FBLIM1: variants seen among roughly 807,000 people sequenced by gnomAD.
FBLIM1 encodes filamin binding LIM protein 1.
A neutral mutation model predicts 37.4 loss-of-function variants in FBLIM1; 29 were observed. The observed-to-expected ratio is 0.77, with a 90% confidence interval of 0.58 to 1.06. The LOEUF (loss-of-function observed/expected upper bound fraction) is 1.06, where lower values mean the gene tolerates loss of function less well. Ranked by LOEUF, FBLIM1 falls within the 50% of genes least tolerant of loss-of-function variation. FBLIM1 has a pLI of 0.00. For synonymous variants in FBLIM1, 193 were observed against 199.0 expected, an observed-to-expected ratio of 0.97 and a Z score of 0.25; for missense variants, 449 against 505.6, an observed-to-expected ratio of 0.89 and a Z score of 1.07.
intron 1 of FBLIM1, among the ~76,000 whole-genome samples, chr1:15,763,754 C>T (rs933173035): frequency 1.3e-5 from 2 of 151,892 alleles, no homozygotes; most frequent in African/African-American, 4.8e-5. Flanking sequence ...ATTCTCCTGC[C>T]TCACCCTCCC....
At chr1:15,766,119 A>C (rs1486750210) in intron 3 of FBLIM1, among the ~76,000 whole-genome samples, 1 of 151,088 alleles carries the variant, frequency 6.6e-6, no homozygotes, top group East Asian at 1.9e-4. Flanking sequence ...TTTTTTCGAG[A>C]CAGGGTCTTA....
rs1208132778 is a variant in FBLIM1, at chr1:15,768,650, A to G, written c.541+20A>G. 8.8e-6 allele frequency: 14 copies of G among 1,592,084 alleles called. No homozygotes were observed. The highest frequency in any genetic ancestry group is 1.1e-5 in the Non-Finnish European group (13 of 1,169,226). ...CCACAGGTAGGTGCACAGGGCTGAG[A>G]GGATACTGGGGTGATCTCATGGGGC... On this transcript the variant is annotated intron_variant, in intron 5 of 8. Coordinates refer to ENST00000375766, the MANE Select transcript of FBLIM1 (RefSeq NM_017556.4).
chr1:15,781,383 G>A (rs544983443), intron 8 of FBLIM1, among the ~76,000 whole-genome samples: 8 of 151,654 alleles, frequency 5.3e-5, no homozygotes, highest in East Asian at 2.0e-4. Flanking sequence ...GTATGGTGGC[G>A]CACACCTGTA....
chr1:15,773,486 CT>C (rs1215995729), intron 6 of FBLIM1, among the ~76,000 whole-genome samples: 1 of 151,450 alleles, frequency 6.6e-6, no homozygotes, highest in African/African-American at 2.4e-5. Context: ...CGAGACCAGC[CT>C]GACCAACATG....
rs1353973646 is a variant in FBLIM1 at position 15,764,920 on chromosome 1, G to A, written c.-20-44G>A. 7 of 1,540,468 alleles carry A rather than the reference G, an allele frequency of 4.5e-6. No homozygotes were observed. In the Admixed American group the frequency reaches 1.2e-4, roughly 26 times the overall value. On this transcript the variant is annotated intron_variant, in intron 2 of 8. Transcript: ENST00000375766. Reference sequence around the variant, plus strand: ...TCTCCTCTCGGGGGAGGGTGGCTGTGTGTCTGGGTGGCAATCCTGTGCTGT... The same window carrying A: ...TCTCCTCTCGGGGGAGGGTGGCTGTATGTCTGGGTGGCAATCCTGTGCTGT...
chr1:15,776,251 C>T (rs2069483136), intron 7 of FBLIM1, among the ~76,000 whole-genome samples: 1 of 151,842 alleles, frequency 6.6e-6, no homozygotes, highest in Non-Finnish European at 1.5e-5. Flanking sequence ...AGCTAGACTC[C>T]ATCCCAAACA....
upstream of FBLIM1, among the ~76,000 whole-genome samples, chr1:15,756,956 T>C (rs910828325): frequency 2.6e-4 from 39 of 152,296 alleles, 1 homozygote; most frequent in Non-Finnish European, 5.4e-4. Flanking sequence ...TCTGGGTCAC[T>C]AAGCATTTGC....
chr1:15,770,989 G>C (rs2069175511), intron 6 of FBLIM1, among the ~76,000 whole-genome samples: 1 of 151,944 alleles, frequency 6.6e-6, no homozygotes, highest in Admixed American at 6.6e-5. Context: ...GCCCAGGCTG[G>C]AGTGCAGTGG....
intron 1 of FBLIM1, among the ~76,000 whole-genome samples, chr1:15,763,752 G>C (rs1301134553): frequency 6.6e-6 from 1 of 151,760 alleles, no homozygotes; most frequent in African/African-American, 2.4e-5. Flanking sequence ...CGATTCTCCT[G>C]CCTCACCCTC....
chr1:15,785,094 G>T lies in FBLIM1; in HGVS notation c.*433G>T, dbSNP rs1373664376. The T allele has an allele frequency of 6.5e-6, 1 of 153,902 alleles. No homozygotes were observed. Among genetic ancestry groups the T allele is most frequent in the African/African-American group, 2.4e-5 (1 of 41,570 alleles). 9.5% of individuals were successfully genotyped at this position (153,902 alleles called of 1,614,324 possible). ...CACGCTTGTAATCCCAGCACTTTGGGAGGCCAAGGTGGGTGGATCACCTGA... is the reference window on the plus strand; with the variant it reads ...CACGCTTGTAATCCCAGCACTTTGGTAGGCCAAGGTGGGTGGATCACCTGA... On this transcript the variant is annotated 3_prime_UTR_variant, in exon 9 of 9. Coordinates refer to ENST00000375766, the MANE Select transcript of FBLIM1 (RefSeq NM_017556.4).
intron 6 of FBLIM1, among the ~76,000 whole-genome samples, chr1:15,773,551 A>T (rs1028251702): frequency 6.8e-6 from 1 of 147,266 alleles, no homozygotes; most frequent in Non-Finnish European, 1.5e-5. Flanking sequence ...GTGGTGGCGC[A>T]TGCCTGTAAT....
chr1:15,760,683 CTCTAGCTGG>C (rs945025262), intron 1 of FBLIM1, among the ~76,000 whole-genome samples: 1 of 152,056 alleles, frequency 6.6e-6, no homozygotes, highest in Non-Finnish European at 1.5e-5. Context: ...AGGCTGCAGC[CTCTAGCTGG>C]TCTGGGTGGC....
intron 8 of FBLIM1, among the ~76,000 whole-genome samples, chr1:15,783,983 G>A (rs890133649): frequency 6.6e-6 from 1 of 152,158 alleles, no homozygotes; most frequent in Non-Finnish European, 1.5e-5. Context: ...GAGGTCAGGA[G>A]ATCGAGACCA....
upstream of FBLIM1, among the ~76,000 whole-genome samples, chr1:15,757,463 G>T (rs1333402312): frequency 3.3e-5 from 5 of 152,182 alleles, no homozygotes; most frequent in South Asian, 1.0e-3. This position sits in a 1 kb window ranked among gnomAD's most constrained non-coding sequence, Gnocchi z 4.1. Flanking sequence ...ATCAATGGCA[G>T]CTCCTGGGAC....
intron 8 of FBLIM1, 24 bp from the exon 9 acceptor site, chr1:15,784,524 C>G: frequency 6.2e-7 from 1 of 1,603,034 alleles, no homozygotes; most frequent in Non-Finnish European, 8.5e-7. Context: ...CAGGGCGGGT[C>G]AGCATGTGTC....
rs2069758179 is a variant in FBLIM1, at chr1:15,785,938, C to T, written c.*1277C>T. 1 of 152,246 alleles carries T rather than the reference C, an allele frequency of 6.6e-6. No homozygotes were observed. Among genetic ancestry groups the T allele is most frequent in the East Asian group, 1.9e-4 (1 of 5,192 alleles). 9.4% of individuals were successfully genotyped at this position (152,246 alleles called of 1,614,324 possible). A position where few individuals can be genotyped will look rare whatever the true frequency, so the allele number is the denominator to read the frequency against. On this transcript the variant is annotated 3_prime_UTR_variant, in exon 9 of 9. Coordinates refer to ENST00000375766, the MANE Select transcript of FBLIM1 (RefSeq NM_017556.4). ...GAGTCAGCAGGCATGGGGTGAGAGC[C>T]TGGTATATGCTGGGAACAGGGTGCA...
chr1:15,769,746 C>T (rs1345478532), intron 5 of FBLIM1, among the ~76,000 whole-genome samples: 6 of 152,036 alleles, frequency 3.9e-5, no homozygotes, highest in East Asian at 3.9e-4. Context: ...AAGCGAGTCT[C>T]CTGCCTCAGT....
intron 8 of FBLIM1, among the ~76,000 whole-genome samples, chr1:15,781,282 C>T (rs1047755259): frequency 6.6e-6 from 1 of 151,790 alleles, no homozygotes; most frequent in Admixed American, 6.6e-5. Flanking sequence ...TTCTTGAATC[C>T]GGGAGGCAGA....
chr1:15,782,407 T>TAAAA (rs766909189), intron 8 of FBLIM1, among the ~76,000 whole-genome samples: 1 of 126,156 alleles, frequency 7.9e-6, no homozygotes, highest in Admixed American at 8.0e-5. Context: ...GACTCTATCT[T>TAAAA]AAAAAAAAAA....
Sources: gnomAD v4.1 joint callset for allele counts (sites outside exome capture counted in the v4.1 genomes callset) on GRCh38, gnomAD v4.1.1 for gene constraint, Gnocchi (gnomAD v3.1) non-coding constraint, MANE v1.5 for transcripts, NCBI Gene and HGNC (gene_info 2026-07-23, HGNC 2026-07-21) for gene names.